Variants in LRTM1 observed in about 807,000 individuals in gnomAD.
The protein encoded by LRTM1 is leucine rich repeat transmembrane protein 1.
A neutral mutation model predicts 32.4 loss-of-function variants in LRTM1; 38 were observed. The ratio of observed to expected loss-of-function variants is 1.17; its 90% CI spans 0.91 to 1.54. The LOEUF is 1.54. Ranked by LOEUF, LRTM1 falls within the 40% of genes most tolerant of loss-of-function variation. LRTM1 has a pLI of 0.00. For synonymous variants in LRTM1, 186 were observed against 169.9 expected, an observed-to-expected ratio of 1.09 and a Z score of -0.74; for missense variants, 466 against 415.4, an observed-to-expected ratio of 1.12 and a Z score of -1.06.
intron 1 of LRTM1, among the ~76,000 whole-genome samples, chr3:54,952,726 GA>G (rs915574548): frequency 6.6e-6 from 1 of 152,144 alleles, no homozygotes; most frequent in African/African-American, 2.4e-5. Context: ...TTCCAGATGG[GA>G]AAGCTCTCTC....
At chr3:54,944,878 G>T (rs936200907) in intron 1 of LRTM1, among the ~76,000 whole-genome samples, 1 of 151,974 alleles carries the variant, frequency 6.6e-6, no homozygotes, top group African/African-American at 2.4e-5. Context: ...TCATTTAGTT[G>T]TCTGTTTTTC....
At chr3:54,932,513 G>C (rs1018681065), upstream of LRTM1, among the ~76,000 whole-genome samples, 16 of 152,174 alleles carry the variant, frequency 1.1e-4, no homozygotes, top group African/African-American at 3.9e-4. Context: ...TAAGAAGCAA[G>C]TAAAGGCACA....
At chr3:54,962,687 A>G (rs923467780) in intron 1 of LRTM1, among the ~76,000 whole-genome samples, 2 of 152,062 alleles carry the variant, frequency 1.3e-5, no homozygotes, top group Non-Finnish European at 2.9e-5. Flanking sequence ...CAGCAAAACA[A>G]CTCCTGATTG....
rs750904394 is a variant in LRTM1, at chr3:54,925,067, A to G, written c.156T>C (p.Thr52=). 1.9e-5 allele frequency: 30 copies of G among 1,614,170 alleles called. No homozygotes were observed. The African/African-American group carries it at 3.6e-4, about 19-fold the overall frequency. ...GATTATCTTGTAAATGCAGCGTTCG[A>G]GTCTGAGGAGGTAAATGGGAAGGGA... ...AEIPSHLPPQ[T]RTLHLQDNQI... is the part of the protein sequence containing the mutation. The change falls in exon 2 of 3, where the codon ACT becomes ACC. Residue 52 remains threonine (T), a synonymous_variant. Transcript: ENST00000273286.
At chr3:54,952,520 A>G (rs1167888786) in intron 1 of LRTM1, among the ~76,000 whole-genome samples, 7 of 152,340 alleles carry the variant, frequency 4.6e-5, no homozygotes, top group Middle Eastern at 6.8e-3. Flanking sequence ...TGGACTTACC[A>G]ATCTCATATT....
chr3:54,942,382 C>T (rs1300643894), intron 1 of LRTM1, among the ~76,000 whole-genome samples: 4 of 152,266 alleles, frequency 2.6e-5, no homozygotes, highest in East Asian at 1.9e-4. Context: ...GCAGCCTCCA[C>T]GAGAGCATGC....
chr3:54,941,505 G>C (rs748607300), intron 1 of LRTM1, among the ~76,000 whole-genome samples: 1 of 152,050 alleles, frequency 6.6e-6, no homozygotes, highest in Admixed American at 6.6e-5. Flanking sequence ...ATTGTTCATC[G>C]TTTTTATAAT....
At chr3:54,949,071 T>G (rs2107009555) in intron 1 of LRTM1, among the ~76,000 whole-genome samples, 1 of 152,324 alleles carries the variant, frequency 6.6e-6, no homozygotes, top group African/African-American at 2.4e-5. Context: ...CAGGCCTTCC[T>G]CATCCAGTGC....
Position 54,949,519 on chromosome 3 carries a change from TG to T in LRTM1, c.-222+17408del, listed in dbSNP as rs1448856821. Reference sequence around the variant, plus strand: ...TATGAAATAAGCAGGTTGGGTTCAATGGCCCACTCCACCATTCCAGCTCAGA... The same window carrying T: ...TATGAAATAAGCAGGTTGGGTTCAATGCCCACTCCACCATTCCAGCTCAGA... On this transcript the variant is annotated intron_variant, in intron 1 of 2. Coordinates refer to the LRTM1 transcript ENST00000493075. Among the ~76,000 whole-genome samples the T allele has an allele frequency of 2.3e-4, 35 of 152,186 alleles. 1 individual carries two copies. Among genetic ancestry groups the T allele is most frequent in the Non-Finnish European group, 5.9e-5 (4 of 68,036 alleles).
At chr3:54,932,891 G>T (rs1227719461), upstream of LRTM1, among the ~76,000 whole-genome samples, 2 of 152,202 alleles carry the variant, frequency 1.3e-5, no homozygotes, top group East Asian at 3.8e-4. Context: ...AATCCATGCA[G>T]AAATTTCGTT....
intron 1 of LRTM1, among the ~76,000 whole-genome samples, chr3:54,942,740 T>C (rs527834533): frequency 6.6e-6 from 1 of 151,220 alleles, no homozygotes; most frequent in Non-Finnish European, 1.5e-5. Context: ...ATAAAAAAAA[T>C]TAGGCCAGGC....
chr3:54,954,298 G>T (rs942339987), intron 1 of LRTM1, among the ~76,000 whole-genome samples: 1 of 152,200 alleles, frequency 6.6e-6, no homozygotes, highest in African/African-American at 2.4e-5. Flanking sequence ...GCGGGAGCAC[G>T]AACACTTCCC....
chr3:54,944,283 AT>A (rs1701552380), intron 1 of LRTM1, among the ~76,000 whole-genome samples: 1 of 151,902 alleles, frequency 6.6e-6, no homozygotes, highest in African/African-American at 2.4e-5. Flanking sequence ...TTCTTAGATT[AT>A]TTTTTAGGTC....
At chr3:54,957,095 AT>A (rs1701916424) in intron 1 of LRTM1, among the ~76,000 whole-genome samples, 1 of 152,302 alleles carries the variant, frequency 6.6e-6, no homozygotes, top group South Asian at 2.1e-4. Context: ...AATGGGATTA[AT>A]TATGATTATT....
intron 1 of LRTM1, among the ~76,000 whole-genome samples, chr3:54,960,190 A>G (rs1025379531): frequency 6.6e-6 from 1 of 152,142 alleles, no homozygotes; most frequent in African/African-American, 2.4e-5. Context: ...GGATGGTTAC[A>G]GATTAAAATA....
chr3:54,931,497 A>G (rs911158820), upstream of LRTM1, among the ~76,000 whole-genome samples: 1 of 152,164 alleles, frequency 6.6e-6, no homozygotes, highest in African/African-American at 2.4e-5. Context: ...AGGTGGCAAG[A>G]CAGCCATGCT....
chr3:54,927,074 T>G (rs1194846631), intron 1 of LRTM1, among the ~76,000 whole-genome samples: 1 of 152,200 alleles, frequency 6.6e-6, no homozygotes, highest in South Asian at 2.1e-4. Context: ...AAACTCAAAA[T>G]AGTTATCTAC....
upstream of LRTM1, among the ~76,000 whole-genome samples, chr3:54,932,926 G>A (rs1701228030): frequency 6.6e-6 from 1 of 152,196 alleles, no homozygotes. Context: ...GTTTGACATT[G>A]GAGGCATGTG....
At chr3:54,953,210 A>G (rs946721080) in intron 1 of LRTM1, among the ~76,000 whole-genome samples, 2 of 152,246 alleles carry the variant, frequency 1.3e-5, no homozygotes, top group African/African-American at 4.8e-5. Context: ...GCACAAACGT[A>G]TAAGGTGTGC....
Sources: gnomAD v4.1 joint callset for allele counts (sites outside exome capture counted in the v4.1 genomes callset) on GRCh38, gnomAD v4.1.1 for gene constraint, MANE v1.5 for transcripts, NCBI Gene and HGNC (gene_info 2026-07-23, HGNC 2026-07-21) for gene names.